RABGAP1L: variants seen among roughly 807,000 people sequenced by gnomAD.
The protein encoded by RABGAP1L is rab GTPase-activating protein 1-like.
A neutral mutation model predicts 137.7 loss-of-function variants in RABGAP1L; 63 were observed. The ratio of observed to expected loss-of-function variants is 0.46; its 90% CI spans 0.37 to 0.56. The LOEUF (loss-of-function observed/expected upper bound fraction) is 0.56, where lower values mean the gene tolerates loss of function less well. Among genes scored for constraint, RABGAP1L ranks in the 20% least tolerant of loss-of-function variants. The pLI is 0.00. For synonymous variants in RABGAP1L, 431 were observed against 433.7 expected (o/e 0.99, Z 0.08); for missense variants, 1,095 against 1,244.0 (o/e 0.88, Z 1.80).
At chr1:174,709,084 G>T (rs964840206) in intron 17 of RABGAP1L, among the ~76,000 whole-genome samples, 24 of 152,174 alleles carry the variant, frequency 1.6e-4, no homozygotes, top group Non-Finnish European at 3.2e-4. Context: ...GGAACCCACC[G>T]CAGTGCAGCA....
chr1:174,229,107 G>GA (rs972441201), intron 3 of RABGAP1L, among the ~76,000 whole-genome samples: 1 of 151,864 alleles, frequency 6.6e-6, no homozygotes, highest in East Asian at 1.9e-4. Context: ...TTATTTTGAG[G>GA]AAAAAAATTC....
intron 13 of RABGAP1L, among the ~76,000 whole-genome samples, chr1:174,466,842 A>G (rs1657353117): frequency 6.6e-6 from 1 of 152,180 alleles, no homozygotes; most frequent in Non-Finnish European, 1.5e-5. Flanking sequence ...CTCTAGAGTC[A>G]AACTGAAATT....
chr1:174,422,326 G>T (rs1372898419), intron 13 of RABGAP1L, among the ~76,000 whole-genome samples: 1 of 151,748 alleles, frequency 6.6e-6, no homozygotes, highest in Non-Finnish European at 1.5e-5. Context: ...GAATTGTCTT[G>T]TATCTAGGCT....
At position 174,485,520 on chromosome 1, in the gene RABGAP1L, C is replaced by T. The variant is rs541908408; in HGVS notation, c.1710+91375C>T. Among the ~76,000 whole-genome samples the T allele has an allele frequency of 5.9e-5, 9 of 152,184 alleles. No homozygotes were observed. In the South Asian group the frequency reaches 1.0e-3, roughly 18 times the overall value. ...TATGTTGAGGTATGTTCCCTCTATC[C>T]CCAGTTTTTGGAGGGTTTTTACCAT... On this transcript the variant is annotated intron_variant, in intron 13 of 25. Transcript: ENST00000681986.
chr1:174,737,301 C>A (rs1298246391), intron 17 of RABGAP1L, among the ~76,000 whole-genome samples: 1 of 152,194 alleles, frequency 6.6e-6, no homozygotes, highest in Non-Finnish European at 1.5e-5. Flanking sequence ...CCACCAGATA[C>A]CCTGTTATCA....
intron 13 of RABGAP1L, among the ~76,000 whole-genome samples, chr1:174,411,709 T>C (rs1558211517): frequency 6.6e-6 from 1 of 152,048 alleles, no homozygotes; most frequent in Non-Finnish European, 1.5e-5. Context: ...TTCAAAGTAA[T>C]TTTTGATTTC....
intron 13 of RABGAP1L, among the ~76,000 whole-genome samples, chr1:174,535,957 G>A (rs1472472167): frequency 6.6e-6 from 1 of 152,146 alleles, no homozygotes; most frequent in Non-Finnish European, 1.5e-5. Context: ...GACAGTGCCT[G>A]CACATTAGTA....
At chr1:174,620,601 A>T (rs954730991) in intron 13 of RABGAP1L, among the ~76,000 whole-genome samples, 5 of 152,228 alleles carry the variant, frequency 3.3e-5, no homozygotes, top group Non-Finnish European at 5.9e-5. Flanking sequence ...ACAAAGACAC[A>T]ACGTACCAGA....
intron 1 of RABGAP1L, among the ~76,000 whole-genome samples, chr1:174,212,412 T>C (rs916486207): frequency 6.6e-6 from 1 of 151,854 alleles, no homozygotes; most frequent in Non-Finnish European, 1.5e-5. Context: ...TACAAACACA[T>C]GGAAATTAAA....
intron 19 of RABGAP1L, among the ~76,000 whole-genome samples, chr1:174,849,214 G>C (rs1401459093): frequency 6.6e-6 from 1 of 152,134 alleles, no homozygotes; most frequent in Non-Finnish European, 1.5e-5. Context: ...GGGAGCTGTA[G>C]ACCGGAGCTG....
At chr1:174,709,229 G>C (rs1409695936) in intron 17 of RABGAP1L, among the ~76,000 whole-genome samples, 1 of 152,194 alleles carries the variant, frequency 6.6e-6, no homozygotes, top group African/African-American at 2.4e-5. Context: ...CTGGGGGAAG[G>C]GGTGGCTGTG....
intron 13 of RABGAP1L, among the ~76,000 whole-genome samples, chr1:174,505,361 TTACTC>T (rs1661721433): frequency 1.3e-5 from 2 of 152,210 alleles, no homozygotes; most frequent in South Asian, 2.1e-4. Context: ...AATATTTCGT[TTACTC>T]TAGCCAGTTC....
chr1:174,821,431 G>C (rs1256382204), intron 19 of RABGAP1L, among the ~76,000 whole-genome samples: 3 of 152,166 alleles, frequency 2.0e-5, no homozygotes, highest in African/African-American at 7.2e-5. Flanking sequence ...TATATATTGT[G>C]CTGGACTATT....
chr1:174,760,168 CT>C (rs1685105912), intron 18 of RABGAP1L, among the ~76,000 whole-genome samples: 1 of 151,840 alleles, frequency 6.6e-6, no homozygotes, highest in Admixed American at 6.6e-5. Flanking sequence ...TGCCAGTAGT[CT>C]TTTTAAAGCA....
At chr1:174,308,047 A>G (rs530812526) in intron 11 of RABGAP1L, among the ~76,000 whole-genome samples, 1 of 151,922 alleles carries the variant, frequency 6.6e-6, no homozygotes, top group Admixed American at 6.6e-5. Context: ...TGTGATTTCC[A>G]TTTCCCTTAT....
At chr1:174,497,375 A>C (rs1187458657) in intron 13 of RABGAP1L, among the ~76,000 whole-genome samples, 1 of 152,230 alleles carries the variant, frequency 6.6e-6, no homozygotes, top group East Asian at 1.9e-4. Flanking sequence ...AGGAAACTGC[A>C]AGTTAAGGAA....
At chr1:174,195,210 C>G (rs1667481964) in intron 1 of RABGAP1L, among the ~76,000 whole-genome samples, 1 of 152,114 alleles carries the variant, frequency 6.6e-6, no homozygotes, top group Non-Finnish European at 1.5e-5. Context: ...TATAATCTGG[C>G]TTTTAGTTTT....
Position 174,611,363 on chromosome 1 carries a change from T to A in RABGAP1L, c.1711-26012T>A, listed in dbSNP as rs189855889. ...TCAGGTTTGTCAAAAATCAGATAGTTGTAGATATGTGGTGTTACTTCTGAG... is the reference window on the plus strand; with the variant it reads ...TCAGGTTTGTCAAAAATCAGATAGTAGTAGATATGTGGTGTTACTTCTGAG... On this transcript the variant is annotated intron_variant, in intron 13 of 25. Transcript: ENST00000681986. 9.8e-3 allele frequency among the ~76,000 whole-genome samples: 1,491 copies of A among 152,272 alleles called. 11 individuals are homozygous for A. Among genetic ancestry groups the A allele is most frequent in the Non-Finnish European group, 0.013 (888 of 68,018 alleles).
rs1394332011 is a variant in RABGAP1L, at chr1:174,761,025, AT to A, written c.2211+8675del. 6.6e-6 allele frequency among the ~76,000 whole-genome samples: 1 copy of A among 152,176 alleles called. No homozygotes were observed. The highest frequency in any genetic ancestry group is 1.5e-5 in the Non-Finnish European group (1 of 68,034). On this transcript the variant is annotated intron_variant, in intron 18 of 25. Coordinates refer to ENST00000681986, the MANE Select transcript of RABGAP1L (RefSeq NM_001366446.1). The surrounding 1 kb of genome is among the most constrained non-coding windows in gnomAD (Gnocchi z 4.0). ...AGACAGTTGATAATTGTATTAGTTC[AT>A]TTTCACACTGCTGATAAAGACATAC... is the stretch of plus-strand genomic sequence containing the variant.
Sources: allele counts gnomAD v4.1 joint callset (sites outside exome capture counted in the v4.1 genomes callset), GRCh38; gene constraint gnomAD v4.1.1; non-coding constraint Gnocchi (gnomAD v3.1); transcripts MANE v1.5; gene names NCBI Gene and HGNC (gene_info 2026-07-23, HGNC 2026-07-21).